Variants in MGAT4C observed in about 807,000 individuals in gnomAD.
MGAT4C encodes MGAT4 family member C.
Under a neutral mutation model 40.1 loss-of-function variants are expected in MGAT4C, and 19 were observed. The ratio of observed to expected loss-of-function variants is 0.47; its 90% CI spans 0.33 to 0.70. The LOEUF (loss-of-function observed/expected upper bound fraction) is 0.70, where lower values mean the gene tolerates loss of function less well. Among genes scored for constraint, MGAT4C ranks in the 30% least tolerant of loss-of-function variants. The pLI is 0.02. For synonymous variants in MGAT4C, 181 were observed against 187.1 expected, an observed-to-expected ratio of 0.97 and a Z score of 0.27; for missense variants, 491 against 563.2, an observed-to-expected ratio of 0.87 and a Z score of 1.30.
chr12:86,792,479 C>A (rs150925199), intron 1 of MGAT4C, among the ~76,000 whole-genome samples: 3,244 of 152,180 alleles, frequency 0.021, 65 homozygotes, highest in Non-Finnish European at 0.03. Context: ...ATCCAGCTAA[C>A]ATATACTCCT....
intron 1 of MGAT4C, among the ~76,000 whole-genome samples, chr12:86,207,506 T>G (rs1390993539): frequency 6.6e-6 from 1 of 152,068 alleles, no homozygotes; most frequent in Non-Finnish European, 1.5e-5. Context: ...TGTTCTACAC[T>G]ATGCATTTTG....
intron 2 of MGAT4C, among the ~76,000 whole-genome samples, chr12:85,995,791 C>A (rs1285138428): frequency 6.6e-6 from 1 of 152,070 alleles, no homozygotes; most frequent in Non-Finnish European, 1.5e-5. Context: ...TTACTCAAGC[C>A]TGGGAGGTCA....
intron 1 of MGAT4C, among the ~76,000 whole-genome samples, chr12:86,783,101 C>T (rs1445276070): frequency 6.6e-6 from 1 of 152,102 alleles, no homozygotes; most frequent in Admixed American, 6.5e-5. Flanking sequence ...ATAATATATT[C>T]ATAATTCAGA....
chr12:86,613,737 T>G (rs1312398720), intron 2 of MGAT4C, among the ~76,000 whole-genome samples: 1 of 152,128 alleles, frequency 6.6e-6, no homozygotes, highest in Non-Finnish European at 1.5e-5. Flanking sequence ...ATAATAAAAA[T>G]TATATATTTT....
chr12:86,441,594 A>C lies in MGAT4C; in HGVS notation c.-228-6329T>G, dbSNP rs12301573. Reference sequence around the variant, plus strand: ...TTCACACCTATGAGTGAGAACATGCAGTGTTTGGTTTTTTGTTCTTGCAAC... The same window carrying C: ...TTCACACCTATGAGTGAGAACATGCCGTGTTTGGTTTTTTGTTCTTGCAAC... On this transcript the variant is annotated intron_variant, in intron 2 of 7. Coordinates refer to the MGAT4C transcript ENST00000548651. Among the ~76,000 whole-genome samples the C allele has an allele frequency of 7.5e-3, 1,101 of 147,454 alleles. 15 individuals are homozygous for C. The highest frequency in any genetic ancestry group is 0.026 in the African/African-American group (1,056 of 39,890).
chr12:86,287,042 A>T (rs1187096985), intron 4 of MGAT4C, among the ~76,000 whole-genome samples: 1 of 152,184 alleles, frequency 6.6e-6, no homozygotes, highest in Non-Finnish European at 1.5e-5. Context: ...TAGTGCTGTG[A>T]TGAACATATG....
rs79116184 is a variant in MGAT4C at position 86,003,719 on chromosome 12, C to T, written c.-6-14167G>A. ...TACTCACTAAATATCTAGGTCATTA[C>T]GAAGTTTTGTGAAGTTGTGAAGTTT... On this transcript the variant is annotated intron_variant, in intron 2 of 4. Transcript: ENST00000611864. Among the ~76,000 whole-genome samples the T allele has an allele frequency of 3.3e-3, 497 of 151,216 alleles. 1 individual carries two copies. The highest frequency in any genetic ancestry group is 9.2e-3 in the African/African-American group (380 of 41,262).
At chr12:86,806,817 G>A (rs1952364584) in intron 1 of MGAT4C, among the ~76,000 whole-genome samples, 1 of 151,904 alleles carries the variant, frequency 6.6e-6, no homozygotes, top group Non-Finnish European at 1.5e-5. Context: ...GAGAACACTT[G>A]GACACAGGAA....
At chr12:86,739,853 C>G (rs539856011) in intron 1 of MGAT4C, among the ~76,000 whole-genome samples, 1 of 150,372 alleles carries the variant, frequency 6.7e-6, no homozygotes, top group African/African-American at 2.4e-5. Flanking sequence ...TATGTATGCA[C>G]ACAAACACAC....
intron 4 of MGAT4C, among the ~76,000 whole-genome samples, chr12:86,315,911 T>C (rs1002117338): frequency 6.6e-6 from 1 of 151,242 alleles, no homozygotes; most frequent in Admixed American, 6.6e-5. Flanking sequence ...AGTACACAGA[T>C]AATGTAAAGA....
At chr12:86,833,754 T>C in intron 1 of MGAT4C, among the ~76,000 whole-genome samples, 1 of 152,054 alleles carries the variant, frequency 6.6e-6, no homozygotes, top group South Asian at 2.1e-4. Flanking sequence ...CTGTCTGTTT[T>C]TTTGTTTGTT....
intron 1 of MGAT4C, among the ~76,000 whole-genome samples, chr12:86,768,987 G>A (rs11104075): frequency 0.32 from 48,252 of 151,148 alleles, 9,466 homozygotes; most frequent in Admixed American, 0.46. Flanking sequence ...AACACCAAAA[G>A]CAATGGCAAC....
At chr12:86,105,755 A>C (rs1490145953) in intron 1 of MGAT4C, among the ~76,000 whole-genome samples, 1 of 152,180 alleles carries the variant, frequency 6.6e-6, no homozygotes, top group Non-Finnish European at 1.5e-5. Context: ...TTGCCATATA[A>C]AGTAATATAT....
Position 86,483,708 on chromosome 12 carries a change from G to T in MGAT4C, c.-228-48443C>A, listed in dbSNP as rs571719004. Among the ~76,000 whole-genome samples the T allele has an allele frequency of 2.7e-4, 40 of 150,298 alleles. No individual in the cohort carries two copies. In the South Asian group the frequency reaches 7.7e-3, roughly 29 times the overall value. On this transcript the variant is annotated intron_variant, in intron 2 of 7. Transcript: ENST00000548651. Reference sequence around the variant, plus strand: ...ATATTCATATGGCACTTATTTATTTGCAGAACTTTAGACTTCAGTAGAGCC... The same window carrying T: ...ATATTCATATGGCACTTATTTATTTTCAGAACTTTAGACTTCAGTAGAGCC...
intron 3 of MGAT4C, among the ~76,000 whole-genome samples, chr12:86,404,202 A>G (rs773919771): frequency 6.6e-6 from 1 of 152,154 alleles, no homozygotes; most frequent in African/African-American, 2.4e-5. Flanking sequence ...TCATAATCAT[A>G]TTTAACGGAC....
intron 4 of MGAT4C, among the ~76,000 whole-genome samples, chr12:86,325,160 G>C (rs540291776): frequency 4.6e-5 from 7 of 151,984 alleles, no homozygotes; most frequent in Admixed American, 1.3e-4. Flanking sequence ...ATACATTCAA[G>C]TACAGATATT....
chr12:86,726,187 T>C (rs1055549767), intron 2 of MGAT4C, among the ~76,000 whole-genome samples: 2 of 152,176 alleles, frequency 1.3e-5, no homozygotes, highest in Non-Finnish European at 2.9e-5. Flanking sequence ...ATGTCATAAA[T>C]ATAGCTATGT....
At chr12:86,149,380 G>GA in intron 1 of MGAT4C, among the ~76,000 whole-genome samples, 1 of 152,122 alleles carries the variant, frequency 6.6e-6, no homozygotes, top group Non-Finnish European at 1.5e-5. Context: ...AGTCAAAATA[G>GA]AAAAAATATG....
chr12:86,599,530 T>A (rs1341792648), intron 2 of MGAT4C: 3 of 152,146 alleles, frequency 2.0e-5, no homozygotes, highest in South Asian at 4.1e-4. Flanking sequence ...TAGTGCTAAG[T>A]GAGAAATAAG....
Sources: allele counts gnomAD v4.1 joint callset (sites outside exome capture counted in the v4.1 genomes callset), GRCh38; gene constraint gnomAD v4.1.1; transcripts MANE v1.5; gene names NCBI Gene and HGNC (gene_info 2026-07-23, HGNC 2026-07-21).